Variants in SUMF1 observed in about 807,000 individuals in gnomAD.
SUMF1 encodes formylglycine-generating enzyme.
A neutral mutation model predicts 47.6 loss-of-function variants in SUMF1; 48 were observed. The observed-to-expected ratio is 1.01, with a 90% CI of 0.80 to 1.28. SUMF1 has a LOEUF of 1.28. Ranked by LOEUF, SUMF1 falls within the 50% of genes most tolerant of loss-of-function variation. The pLI is 0.00. For missense variants in SUMF1, 571 were observed against 485.4 expected, an observed-to-expected ratio of 1.18 and a Z score of -1.66; for synonymous variants, 230 against 192.1, an observed-to-expected ratio of 1.20 and a Z score of -1.63.
At chr3:4,227,800 T>C (rs1432384008) in intron 8 of SUMF1, among the ~76,000 whole-genome samples, 2 of 152,158 alleles carry the variant, frequency 1.3e-5, no homozygotes, top group Non-Finnish European at 2.9e-5. Flanking sequence ...GAGCCAGTCA[T>C]GCTTGAGGTC....
At chr3:4,325,239 A>G (rs563616983) in intron 8 of SUMF1, among the ~76,000 whole-genome samples, 3 of 152,160 alleles carry the variant, frequency 2.0e-5, no homozygotes, top group African/African-American at 2.4e-5. Context: ...TATTTCAAAG[A>G]AAGTACTGTA....
intron 8 of SUMF1, among the ~76,000 whole-genome samples, chr3:4,127,589 G>A (rs963491082): frequency 4.6e-5 from 7 of 152,080 alleles, no homozygotes; most frequent in Non-Finnish European, 8.8e-5. Flanking sequence ...CAGTTTTGGC[G>A]CTTGGACTGC....
intron 8 of SUMF1, among the ~76,000 whole-genome samples, chr3:4,077,757 T>C (rs191420776): frequency 1.6e-4 from 25 of 152,138 alleles, no homozygotes; most frequent in Middle Eastern, 3.4e-3. Context: ...TACACATATG[T>C]AACAAACCTG....
intron 8 of SUMF1, among the ~76,000 whole-genome samples, chr3:4,256,848 GC>G (rs1390448870): frequency 1.4e-5 from 2 of 140,544 alleles, no homozygotes; most frequent in Non-Finnish European, 3.1e-5. Context: ...GAACATTGAT[GC>G]AAAAATCCTC....
chr3:4,058,761 G>A (rs1695231582), intron 9 of SUMF1, among the ~76,000 whole-genome samples: 1 of 152,132 alleles, frequency 6.6e-6, no homozygotes, highest in Non-Finnish European at 1.5e-5. Flanking sequence ...GAGAAGAAAA[G>A]TTTTCAATGA....
In SUMF1 at chr3:4,211,362, C is replaced by G. The variant is rs558818791; in HGVS notation, c.1015-142617G>C. On this transcript the variant is annotated intron_variant and NMD_transcript_variant, in intron 8 of 12. Transcript: ENST00000448413. The stretch of plus-strand genomic sequence containing the variant: ...CAGTTGGCCCTAGTATGTGTTGTTC[C>G]CCTCTCTGTGTCCATGTGTTCTCAT... Among the ~76,000 whole-genome samples, 4 of 151,282 alleles carry G rather than the reference C, an allele frequency of 2.6e-5. No individual in the cohort carries two copies. The East Asian group carries it at 7.8e-4, about 30-fold the overall frequency.
At chr3:4,399,680 A>C (rs759731474) in intron 7 of SUMF1, among the ~76,000 whole-genome samples, 2 of 152,222 alleles carry the variant, frequency 1.3e-5, no homozygotes, top group Non-Finnish European at 2.9e-5. Flanking sequence ...AGGAAGGCCC[A>C]CGGAAGTGGA....
At chr3:4,284,403 A>C (rs1454616081) in intron 8 of SUMF1, among the ~76,000 whole-genome samples, 1 of 148,474 alleles carries the variant, frequency 6.7e-6, no homozygotes, top group South Asian at 2.1e-4. Context: ...ACAAAATGAG[A>C]CTCTGTCCCA....
chr3:4,253,600 C>A (rs1270864196), intron 8 of SUMF1, among the ~76,000 whole-genome samples: 1 of 151,842 alleles, frequency 6.6e-6, no homozygotes, highest in Admixed American at 6.5e-5. Context: ...ACACCTGGCT[C>A]AGAGGGTCCT....
chr3:4,249,568 C>T (rs1434561788), intron 8 of SUMF1, among the ~76,000 whole-genome samples: 2 of 152,130 alleles, frequency 1.3e-5, no homozygotes, highest in Non-Finnish European at 2.9e-5. Flanking sequence ...TGTTTGTGTT[C>T]TGACTGCTCT....
intron 8 of SUMF1, among the ~76,000 whole-genome samples, chr3:4,284,862 T>C (rs952736466): frequency 6.6e-6 from 1 of 152,244 alleles, no homozygotes; most frequent in African/African-American, 2.4e-5. Flanking sequence ...TTATTTTTCC[T>C]GTAAACTGAA....
intron 3 of SUMF1, among the ~76,000 whole-genome samples, chr3:4,424,864 A>G (rs887305677): frequency 6.6e-6 from 1 of 152,218 alleles, no homozygotes; most frequent in Non-Finnish European, 1.5e-5. Context: ...TTTTAGAATG[A>G]GTGTATGTCA....
intron 8 of SUMF1, among the ~76,000 whole-genome samples, chr3:4,124,148 TC>T (rs1559490317): frequency 1.3e-5 from 2 of 152,192 alleles, no homozygotes; most frequent in Admixed American, 6.5e-5. Flanking sequence ...AATAAAAATC[TC>T]ATTTATAAGC....
At chr3:4,292,798 A>C (rs1191910550) in intron 8 of SUMF1, among the ~76,000 whole-genome samples, 2 of 152,212 alleles carry the variant, frequency 1.3e-5, no homozygotes, top group African/African-American at 4.8e-5. Flanking sequence ...ACTAAAAACA[A>C]AAATGCTCTT....
intron 6 of SUMF1, among the ~76,000 whole-genome samples, chr3:4,416,400 C>T (rs545900469): frequency 4.0e-4 from 61 of 152,178 alleles, no homozygotes; most frequent in African/African-American, 1.4e-3. Context: ...TTGTGGCATA[C>T]TGCTAATGAC....
At chr3:4,287,761 G>T (rs57021136) in intron 8 of SUMF1, among the ~76,000 whole-genome samples, 1 of 152,190 alleles carries the variant, frequency 6.6e-6, no homozygotes, top group African/African-American at 2.4e-5. Context: ...AGGAACAACA[G>T]ATTCAAAGAA....
intron 9 of SUMF1, among the ~76,000 whole-genome samples, chr3:4,064,306 A>G (rs1230630681): frequency 1.8e-5 from 2 of 112,620 alleles, no homozygotes; most frequent in Non-Finnish European, 4.3e-5. Flanking sequence ...GCTAACTATA[A>G]TGCGTTAGCA....
chr3:4,309,168 G>A (rs190365569), intron 8 of SUMF1, among the ~76,000 whole-genome samples: 305 of 152,298 alleles, frequency 2.0e-3, no homozygotes, highest in Non-Finnish European at 3.9e-3. Context: ...TTATCATGCA[G>A]GTGAAGCCTC....
At chr3:4,121,055 A>G (rs758794948) in intron 8 of SUMF1, among the ~76,000 whole-genome samples, 4 of 152,134 alleles carry the variant, frequency 2.6e-5, no homozygotes, top group Non-Finnish European at 5.9e-5. Context: ...AAAACACTGG[A>G]CCAGACTTCA....
Sources: gnomAD v4.1 joint callset for allele counts (sites outside exome capture counted in the v4.1 genomes callset) on GRCh38, gnomAD v4.1.1 for gene constraint, MANE v1.5 for transcripts, NCBI Gene and HGNC (gene_info 2026-07-23, HGNC 2026-07-21) for gene names.